RAB40B: variants seen among roughly 807,000 people sequenced by gnomAD.
RAB40B encodes the protein RAB40B, member RAS oncogene family.
Under a neutral mutation model 24.0 loss-of-function variants are expected in RAB40B, and 21 were observed. The ratio of observed to expected loss-of-function variants is 0.88; its 90% CI spans 0.62 to 1.26. The LOEUF (loss-of-function observed/expected upper bound fraction) is 1.26. RAB40B is among the 50% of genes most tolerant of loss of function. The pLI, the probability that RAB40B is intolerant of heterozygous loss-of-function variation, is 0.00. For missense variants in RAB40B, 348 were observed against 390.5 expected (o/e 0.89, Z 0.92); for synonymous variants, 167 against 169.8 (o/e 0.98, Z 0.13).
intron 3 of RAB40B, chr17:82,659,880 C>G: frequency 3.8e-6 from 2 of 525,718 alleles, no homozygotes; most frequent in Non-Finnish European, 3.5e-6. Flanking sequence ...GGGACTAGAA[C>G]TCACACCCAC....
In RAB40B at chr17:82,659,864, G is replaced by A. The variant is rs935141600; in HGVS notation, c.265-207C>T. On this transcript the variant is annotated intron_variant, in intron 3 of 5. Transcript: ENST00000571995. ...GTGATAAACCCTCAAATGTCACGGTGATCTGGGGACTAGAACTCACACCCA... is the reference window on the plus strand; with the variant it reads ...GTGATAAACCCTCAAATGTCACGGTAATCTGGGGACTAGAACTCACACCCA... 17 of 549,350 alleles carry A rather than the reference G, an allele frequency of 3.1e-5. No homozygotes were observed. The African/African-American group carries it at 3.2e-4, about 10-fold the overall frequency. The allele number at this position is 549,350 out of a possible 1,614,324, so 34.0% of individuals were successfully genotyped here.
chr17:82,666,580 G>A (rs939061799), intron 1 of RAB40B, among the ~76,000 whole-genome samples: 2 of 150,146 alleles, frequency 1.3e-5, no homozygotes, highest in Non-Finnish European at 3.0e-5. Flanking sequence ...ATGTTTCCCC[G>A]CCCCCATCAC....
At chr17:82,691,231 A>C (rs1392230482) in intron 1 of RAB40B, among the ~76,000 whole-genome samples, 1 of 152,204 alleles carries the variant, frequency 6.6e-6, no homozygotes, top group African/African-American at 2.4e-5. Flanking sequence ...GAAACAAAGA[A>C]AGAACAATGG....
rs1027454958 is a variant in RAB40B at position 82,663,415 on chromosome 17, C to T, written c.203+1081G>A. 2.6e-5 allele frequency among the ~76,000 whole-genome samples: 4 copies of T among 152,028 alleles called. No individual in the cohort carries two copies. The highest frequency in any genetic ancestry group is 1.9e-4 in the East Asian group (1 of 5,176). ...GGGAGGCAGCCCCAGGATGAGGCACCGCAGGAGCCCCCCATCCCCACCGCC... is the reference window on the plus strand; with the variant it reads ...GGGAGGCAGCCCCAGGATGAGGCACTGCAGGAGCCCCCCATCCCCACCGCC... On this transcript the variant is annotated intron_variant, in intron 2 of 5. Coordinates refer to ENST00000571995, the MANE Select transcript of RAB40B (RefSeq NM_006822.3). This position sits in a 1 kb window ranked among gnomAD's most constrained non-coding sequence, Gnocchi z 6.2.
Position 82,656,099 on chromosome 17 carries a change from C to CTGCCA in RAB40B, c.*1759_*1763dup, listed in dbSNP as rs939904997. On this transcript the variant is annotated 3_prime_UTR_variant, in exon 6 of 6. Transcript: ENST00000571995. ...GAGTAGCTGGGATTACAGGTGTGCG[C>CTGCCA]TGCCATGCCAAGCCAATTTTTGTAA... 2 of 152,056 alleles carry CTGCCA rather than the reference C, an allele frequency of 1.3e-5. No individual in the cohort carries two copies. Among genetic ancestry groups the CTGCCA allele is most frequent in the African/African-American group, 2.4e-5 (1 of 41,380 alleles). The allele number at this position is 152,056 out of a possible 1,614,324, so 9.4% of individuals were successfully genotyped here. A position where few individuals can be genotyped will look rare whatever the true frequency, so the allele number is the denominator to read the frequency against.
At chr17:82,694,441 C>T (rs112105623) in intron 1 of RAB40B, among the ~76,000 whole-genome samples, 4 of 149,992 alleles carry the variant, frequency 2.7e-5, no homozygotes, top group Non-Finnish European at 5.9e-5. Flanking sequence ...TTGAAGCAGG[C>T]GAATCACTTG....
chr17:82,695,591 T>C (rs1314067932), intron 1 of RAB40B, among the ~76,000 whole-genome samples: 1 of 147,892 alleles, frequency 6.8e-6, no homozygotes, highest in Non-Finnish European at 1.5e-5. Flanking sequence ...AGGCCTATAA[T>C]CTCAGCATTT....
chr17:82,659,882 C>G, intron 3 of RAB40B: 1 of 524,254 alleles, frequency 1.9e-6, no homozygotes, highest in South Asian at 2.0e-5. Context: ...GACTAGAACT[C>G]ACACCCACGA....
Position 82,658,608 on chromosome 17 carries a change from C to A in RAB40B, c.448G>T (p.Val150Leu), listed in dbSNP as rs775428303. 1 of 1,613,360 alleles carries A rather than the reference C, an allele frequency of 6.2e-7. No individual in the cohort carries two copies. Among genetic ancestry groups the A allele is most frequent in the East Asian group, 2.2e-5 (1 of 44,868 alleles). ...QAQAYAERLG[V>L]TFFEVSPLCN... is the part of the protein sequence containing the mutation. ...AGAGGGCTGACCTCAAAGAAGGTCACGCCCAGGCGCTCGGCGTAGGCCTGG... is the reference window on the plus strand; with the variant it reads ...AGAGGGCTGACCTCAAAGAAGGTCAAGCCCAGGCGCTCGGCGTAGGCCTGG... The change falls in exon 5 of 6, where the codon GTG becomes TTG. Residue 150 changes from valine (V) to leucine (L), a missense_variant. Physicochemically the swap from Val to Leu is conservative, Grantham distance 32. Transcript: ENST00000571995.
chr17:82,660,916 G>A (rs113228947), intron 3 of RAB40B, 71 bp downstream of exon 3: 4 of 1,525,962 alleles, frequency 2.6e-6, no homozygotes, highest in Non-Finnish European at 3.6e-6. Flanking sequence ...TTAAAGGATG[G>A]TAAGTTAAGC....
In RAB40B at chr17:82,663,245, G is replaced by A. The variant is rs1192268423; in HGVS notation, c.203+1251C>T. 6.6e-6 allele frequency among the ~76,000 whole-genome samples: 1 copy of A among 152,188 alleles called. No individual in the cohort carries two copies. The highest frequency in any genetic ancestry group is 2.4e-5 in the African/African-American group (1 of 41,440). ...GACTGGCCACTACTAGACGGGGCAGGCGTAGGAAGGGGACAGGTAAGAGAA... is the reference window on the plus strand; with the variant it reads ...GACTGGCCACTACTAGACGGGGCAGACGTAGGAAGGGGACAGGTAAGAGAA... On this transcript the variant is annotated intron_variant, in intron 2 of 5. Transcript: ENST00000571995. The surrounding 1 kb of genome is among the most constrained non-coding windows in gnomAD (Gnocchi z 6.2).
chr17:82,663,029 A>T lies in RAB40B; in HGVS notation c.203+1467T>A, dbSNP rs2046194364. 6.6e-6 allele frequency among the ~76,000 whole-genome samples: 1 copy of T among 152,062 alleles called. No individual in the cohort carries two copies. Among genetic ancestry groups the T allele is most frequent in the South Asian group, 2.1e-4 (1 of 4,828 alleles). ...TGGACCTGCAGGGCTCAGGGCCAGG[A>T]GGAGGCAGCAAAGGCCCAGCTGGCG... On this transcript the variant is annotated intron_variant, in intron 2 of 5. Transcript: ENST00000571995. The surrounding 1 kb of genome is among the most constrained non-coding windows in gnomAD (Gnocchi z 6.2).
rs1204519985 is a variant in RAB40B at position 82,667,657 on chromosome 17, G to T, written c.143-3101C>A. On this transcript the variant is annotated intron_variant, in intron 1 of 5. Transcript: ENST00000571995. This position sits in a 1 kb window ranked among gnomAD's most constrained non-coding sequence, Gnocchi z 4.3. ...ACTCCACACTCTGTCCACAGAGACT[G>T]CCCATCACGCCACCAGGTAGATTAG... Among the ~76,000 whole-genome samples the T allele has an allele frequency of 6.6e-6, 1 of 152,132 alleles. No individual in the cohort carries two copies. Among genetic ancestry groups the T allele is most frequent in the Non-Finnish European group, 1.5e-5 (1 of 68,026 alleles).
chr17:82,662,437 GCT>G, intron 2 of RAB40B: 3 of 985,450 alleles, frequency 3.0e-6, no homozygotes, highest in Non-Finnish European at 3.6e-6. Flanking sequence ...TCCCTCCTCA[GCT>G]GGGACAACGT....
At position 82,656,609 on chromosome 17, in the gene RAB40B, A is replaced by G. The variant is rs1189311200; in HGVS notation, c.*1254T>C. On this transcript the variant is annotated 3_prime_UTR_variant, in exon 6 of 6. Coordinates refer to ENST00000571995, the MANE Select transcript of RAB40B (RefSeq NM_006822.3). ...GTTCCGGAAAAGGAATCCTTTCTCAACAGGCGACAACAGTTCAAGGATTCA... is the reference window on the plus strand; with the variant it reads ...GTTCCGGAAAAGGAATCCTTTCTCAGCAGGCGACAACAGTTCAAGGATTCA... 2 of 152,268 alleles carry G rather than the reference A, an allele frequency of 1.3e-5. No homozygotes were observed. Among genetic ancestry groups the G allele is most frequent in the Non-Finnish European group, 2.9e-5 (2 of 68,056 alleles). The allele number at this position is 152,268 out of a possible 1,614,324, so 9.4% of individuals were successfully genotyped here. A position where few individuals can be genotyped will look rare whatever the true frequency, so the allele number is the denominator to read the frequency against.
intron 2 of RAB40B, 95 bp from the exon 3 acceptor site, chr17:82,661,142 C>T: frequency 1.3e-6 from 2 of 1,521,480 alleles, no homozygotes; most frequent in Non-Finnish European, 8.8e-7. Flanking sequence ...GCACCACACA[C>T]CCGCCAGTCA....
chr17:82,665,605 G>A (rs2046245298), intron 1 of RAB40B, among the ~76,000 whole-genome samples: 1 of 152,096 alleles, frequency 6.6e-6, no homozygotes, highest in Admixed American at 6.5e-5. Flanking sequence ...GGTGGCTGAC[G>A]CCTGTCATCC....
chr17:82,661,591 A>G (rs896842522), intron 2 of RAB40B, among the ~76,000 whole-genome samples: 2 of 152,184 alleles, frequency 1.3e-5, no homozygotes, highest in Non-Finnish European at 2.9e-5. Context: ...CGGAGCTCCA[A>G]GAAACAAATG....
intron 5 of RAB40B, 99 bp downstream of exon 5, chr17:82,658,392 G>A (rs995510550): frequency 5.1e-6 from 7 of 1,373,202 alleles, no homozygotes; most frequent in East Asian, 4.6e-5. Flanking sequence ...CAGTGGCCTT[G>A]AGACGGGTCC....
Sources: allele counts gnomAD v4.1 joint callset (sites outside exome capture counted in the v4.1 genomes callset), GRCh38; gene constraint gnomAD v4.1.1; non-coding constraint Gnocchi (gnomAD v3.1); transcripts MANE v1.5; gene names NCBI Gene and HGNC (gene_info 2026-07-23, HGNC 2026-07-21).